The following PIN4 variants were observed in gnomAD, a reference collection of about 807,000 sequenced individuals.
PIN4 encodes peptidylprolyl cis/trans isomerase, NIMA-interacting 4.
PIN4 carries 3 observed loss-of-function variants against 8.3 expected under a neutral mutation model. The observed-to-expected ratio is 0.36, with a 90% CI of 0.16 to 0.93. The LOEUF (loss-of-function observed/expected upper bound fraction) is 0.93, where lower values mean the gene tolerates loss of function less well. PIN4 is among the 40% of genes least tolerant of loss of function. The pLI, the probability that PIN4 is intolerant of heterozygous loss-of-function variation, is 0.44. For missense variants in PIN4, 75 were observed against 100.6 expected (o/e 0.75, Z 1.09); for synonymous variants, 18 against 32.5 (o/e 0.55, Z 1.52).
intron 3 of PIN4, among the ~76,000 whole-genome samples, chrX:72,240,558 C>T (rs2043044710): frequency 9.0e-6 from 1 of 111,070 alleles, no homozygotes; most frequent in African/African-American, 3.3e-5. Flanking sequence ...CCTGTAATCC[C>T]AGCACTTTGG....
chrX:72,245,069 C>CAAAAAAAAAAAAAA (rs35952560), intron 3 of PIN4, among the ~76,000 whole-genome samples: 1 of 19,743 alleles, frequency 5.1e-5, no homozygotes, highest in African/African-American at 2.0e-4. Context: ...GAGATCCTGT[C>CAAAAAAAAAAAAAA]AAAAAAAAAA....
chrX:72,211,942 G>A (rs1168215252), intron 3 of PIN4, among the ~76,000 whole-genome samples: 2 of 111,384 alleles, frequency 1.8e-5, no homozygotes, highest in East Asian at 5.6e-4. Flanking sequence ...CCCACCTAAA[G>A]GTCTCTCTAT....
At chrX:72,224,610 G>C (rs1261325859) in intron 3 of PIN4, among the ~76,000 whole-genome samples, 1 of 111,255 alleles carries the variant, frequency 9.0e-6, no homozygotes, top group African/African-American at 3.3e-5. Flanking sequence ...ACTGGGCGTG[G>C]TGGTGCATGC....
intron 3 of PIN4, among the ~76,000 whole-genome samples, chrX:72,251,669 G>C (rs1032767672): frequency 1.8e-5 from 2 of 111,411 alleles, no homozygotes; most frequent in African/African-American, 6.5e-5. Context: ...CGTTCAAGTG[G>C]AGGAGAGGGG....
chrX:72,239,685 T>C (rs764794860), intron 3 of PIN4, among the ~76,000 whole-genome samples: 1 of 104,340 alleles, frequency 9.6e-6, no homozygotes, highest in Admixed American at 1.1e-4. Context: ...GGCACGAGAA[T>C]CGCTTGGACC....
chrX:72,211,916 C>A (rs1271982432), intron 3 of PIN4, among the ~76,000 whole-genome samples: 1 of 112,132 alleles, frequency 8.9e-6, no homozygotes. Flanking sequence ...CAGTTGCTAA[C>A]CCCCTGGGTC....
intron 2 of PIN4, among the ~76,000 whole-genome samples, chrX:72,190,158 T>C (rs777544570): frequency 9.0e-6 from 1 of 111,500 alleles, no homozygotes; most frequent in South Asian, 3.7e-4. Context: ...TCCTATCCCC[T>C]GCACACTCAA....
At chrX:72,231,452 G>A (rs2042982855) in intron 3 of PIN4, among the ~76,000 whole-genome samples, 1 of 111,481 alleles carries the variant, frequency 9.0e-6, no homozygotes, top group African/African-American at 3.3e-5. Flanking sequence ...ATGGTACAAA[G>A]TTTCAGTTAA....
Position 72,225,949 on chromosome X carries a change from C to G in PIN4, c.312+29045C>G, listed in dbSNP as rs370687129. ...CTTTGCTTAAAAATTTTGGTCACAG[C>G]CCCTCTAATTATCCCTGAGGCACAA... On this transcript the variant is annotated intron_variant, in intron 3 of 3. Coordinates refer to the PIN4 transcript ENST00000423432. Among the ~76,000 whole-genome samples the G allele has an allele frequency of 2.9e-4, 33 of 111,917 alleles. No individual in the cohort carries two copies. In the East Asian group the frequency reaches 6.7e-3, roughly 23 times the overall value.
chrX:72,209,978 T>G (rs2042843363), intron 3 of PIN4, among the ~76,000 whole-genome samples: 1 of 109,069 alleles, frequency 9.2e-6, no homozygotes, highest in Non-Finnish European at 1.9e-5. Context: ...CCTACAAAAC[T>G]TAGGAAAAAA....
At chrX:72,195,829 G>A (rs190314680) in intron 2 of PIN4, among the ~76,000 whole-genome samples, 114 of 111,087 alleles carry the variant, frequency 1.0e-3, no homozygotes, top group South Asian at 7.9e-3. Flanking sequence ...AAAAACATGC[G>A]TAAGTTCAGC....
Position 72,186,596 on chromosome X carries a change from A to G in PIN4, c.117+62A>G, listed in dbSNP as rs145235376. The G allele has an allele frequency of 4.7e-4, 341 of 729,419 alleles. No individual in the cohort carries two copies. In the East Asian group the frequency reaches 0.011, roughly 24 times the overall value. 60.1% of individuals were successfully genotyped at this position (729,419 alleles called of 1,213,427 possible). A position where few individuals can be genotyped will look rare whatever the true frequency, so the allele number is the denominator to read the frequency against. On this transcript the variant is annotated intron_variant, in intron 2 of 3. Coordinates refer to ENST00000373669, the MANE Select transcript of PIN4 (RefSeq NM_006223.4). ...AAATTCTGTTTATGTGTTAGTACAC[A>G]TAAAAGACAGAATGCTTAACTCATT...
chrX:72,204,904 C>T, intron 3 of PIN4: 6 of 699,674 alleles, frequency 8.6e-6, no homozygotes, highest in Non-Finnish European at 1.2e-5. Context: ...TTTTTGAGAT[C>T]TTTCTTGCCT....
intron 3 of PIN4, among the ~76,000 whole-genome samples, chrX:72,212,844 A>G (rs2042863799): frequency 9.0e-6 from 1 of 111,436 alleles, no homozygotes. Flanking sequence ...TGGGAGGCTA[A>G]GGTGGGAGGG....
intron 2 of PIN4, among the ~76,000 whole-genome samples, chrX:72,189,855 G>C (rs1348636190): frequency 1.8e-5 from 2 of 111,405 alleles, no homozygotes; most frequent in African/African-American, 6.6e-5. Flanking sequence ...TGTTTCAAGT[G>C]TTTTTTGAAG....
intron 3 of PIN4, among the ~76,000 whole-genome samples, chrX:72,226,416 T>C (rs1210589277): frequency 1.8e-5 from 2 of 112,164 alleles, no homozygotes; most frequent in African/African-American, 6.5e-5. Context: ...TTATTTGCCC[T>C]AATAAGAGCA....
intron 3 of PIN4, among the ~76,000 whole-genome samples, chrX:72,258,655 G>T (rs745695365): frequency 1.8e-5 from 2 of 111,309 alleles, no homozygotes; most frequent in South Asian, 7.7e-4. Context: ...AGAATGCCTG[G>T]GTTCCCATCC....
intron 3 of PIN4, among the ~76,000 whole-genome samples, chrX:72,232,805 C>T (rs947273758): frequency 3.6e-5 from 4 of 110,861 alleles, no homozygotes; most frequent in Admixed American, 9.6e-5. Flanking sequence ...AGCGAAACTC[C>T]GTCTCAGAAA....
At chrX:72,262,630 C>T (rs2147621126) in intron 3 of PIN4, 1 of 633,796 alleles carries the variant, frequency 1.6e-6, no homozygotes. Flanking sequence ...AGACAAGGGC[C>T]CTCCTGTTTA....
Sources: gnomAD v4.1 joint callset for allele counts (sites outside exome capture counted in the v4.1 genomes callset) on GRCh38, gnomAD v4.1.1 for gene constraint, MANE v1.5 for transcripts, NCBI Gene and HGNC (gene_info 2026-07-23, HGNC 2026-07-21) for gene names.